Variants in GNA14 observed in about 807,000 individuals in gnomAD.
The protein encoded by GNA14 is guanine nucleotide-binding protein subunit alpha-14.
GNA14 carries 50 observed loss-of-function variants against 42.0 expected under a neutral mutation model. That is an observed-to-expected ratio of 1.19 (90% CI 0.95 to 1.51). The LOEUF (loss-of-function observed/expected upper bound fraction) is 1.51. GNA14 is among the 40% of genes most tolerant of loss of function. The probability of loss-of-function intolerance (pLI) is 0.00; values close to 1 mark genes in which losing one functional copy is unlikely to be tolerated. For synonymous variants in GNA14, 173 were observed against 163.1 expected, an observed-to-expected ratio of 1.06 and a Z score of -0.46; for missense variants, 473 against 446.2, an observed-to-expected ratio of 1.06 and a Z score of -0.54.
At chr9:77,522,000 T>A (rs897165399) in intron 2 of GNA14, among the ~76,000 whole-genome samples, 4 of 152,210 alleles carry the variant, frequency 2.6e-5, no homozygotes, top group South Asian at 2.1e-4. Flanking sequence ...GCCCGGCTAA[T>A]TTTTATATAT....
intron 2 of GNA14, among the ~76,000 whole-genome samples, chr9:77,499,716 G>A (rs890278052): frequency 6.6e-6 from 1 of 152,040 alleles, no homozygotes; most frequent in African/African-American, 2.4e-5. Context: ...CGGGCATGGT[G>A]GCGCGCTCCT....
At chr9:77,642,396 A>T (rs1393184382) in intron 1 of GNA14, among the ~76,000 whole-genome samples, 1 of 152,214 alleles carries the variant, frequency 6.6e-6, no homozygotes, top group Non-Finnish European at 1.5e-5. Context: ...TTTCTGAAGC[A>T]TATTATGGCA....
At chr9:77,581,611 T>C (rs1208312090) in intron 1 of GNA14, among the ~76,000 whole-genome samples, 1 of 152,192 alleles carries the variant, frequency 6.6e-6, no homozygotes, top group African/African-American at 2.4e-5. Context: ...TGCAAAAGAC[T>C]CTGGTTCGGA....
At chr9:77,478,268 A>G (rs896560121) in intron 2 of GNA14, among the ~76,000 whole-genome samples, 11 of 151,722 alleles carry the variant, frequency 7.3e-5, no homozygotes, top group Non-Finnish European at 1.0e-4. Context: ...ATGAGTGAGA[A>G]CATGCGGTGT....
intron 2 of GNA14, among the ~76,000 whole-genome samples, chr9:77,458,904 A>AGCGGGGGGGGG (rs55765810): frequency 1.5e-5 from 2 of 134,482 alleles, no homozygotes; most frequent in Admixed American, 1.5e-4. Context: ...CACAAGCTGG[A>AGCGGGGGGGGG]GGGGGGGGGG....
intron 2 of GNA14, among the ~76,000 whole-genome samples, chr9:77,492,275 TAGAA>T (rs1198209171): frequency 1.3e-5 from 2 of 151,406 alleles, no homozygotes; most frequent in Non-Finnish European, 2.9e-5. Context: ...CCAAAATTAG[TAGAA>T]AGAAAGAAAT....
At chr9:77,529,360 T>C in intron 1 of GNA14, 107 bp from the exon 2 acceptor site, 1 of 872,936 alleles carries the variant, frequency 1.1e-6, no homozygotes, top group Non-Finnish European at 1.9e-6. Flanking sequence ...ATTAATAGGC[T>C]GATGGGTTGG....
intron 1 of GNA14, among the ~76,000 whole-genome samples, chr9:77,538,248 T>A (rs1035500888): frequency 1.3e-5 from 2 of 152,038 alleles, no homozygotes; most frequent in Non-Finnish European, 2.9e-5. Flanking sequence ...TTTTTTAAAA[T>A]TTTTTTATAG....
chr9:77,609,021 A>G (rs574844379), intron 1 of GNA14, among the ~76,000 whole-genome samples: 1 of 152,272 alleles, frequency 6.6e-6, no homozygotes, highest in African/African-American at 2.4e-5. Context: ...ATTCTTTGCA[A>G]TATGGATAGC....
intron 2 of GNA14, among the ~76,000 whole-genome samples, chr9:77,489,552 C>G (rs903319653): frequency 6.6e-6 from 1 of 152,168 alleles, no homozygotes; most frequent in Admixed American, 6.5e-5. Context: ...AGAATGAAGC[C>G]GCGGACCCTC....
chr9:77,630,236 G>C (rs945768171), intron 1 of GNA14, among the ~76,000 whole-genome samples: 4 of 151,774 alleles, frequency 2.6e-5, no homozygotes, highest in African/African-American at 9.7e-5. Flanking sequence ...TCCCACTTCA[G>C]CCTCCCGAGT....
chr9:77,577,701 C>G (rs1052256515), intron 1 of GNA14, among the ~76,000 whole-genome samples: 4 of 152,166 alleles, frequency 2.6e-5, no homozygotes, highest in African/African-American at 9.7e-5. Flanking sequence ...TGTTTACTGA[C>G]CACTTTCAAT....
chr9:77,648,063 G>A lies in GNA14; in HGVS notation c.-270C>T, dbSNP rs1453544622. ...GCCCGCCCCACTCTCGCTCTGGGGA[G>A]GAGGAGGGCGAGTCGAGAAGTTGGG... On this transcript the variant is annotated 5_prime_UTR_variant, in exon 1 of 7. Coordinates refer to ENST00000341700, the MANE Select transcript of GNA14 (RefSeq NM_004297.4). 6 of 492,992 alleles carry A rather than the reference G, an allele frequency of 1.2e-5. No homozygotes were observed. The Admixed American group carries it at 2.0e-4, about 16-fold the overall frequency. The allele number at this position is 492,992 out of a possible 1,614,324, so 30.5% of individuals were successfully genotyped here. A position where few individuals can be genotyped will look rare whatever the true frequency, so the allele number is the denominator to read the frequency against.
At chr9:77,466,794 ATTTG>A (rs530634497) in intron 2 of GNA14, among the ~76,000 whole-genome samples, 221 of 151,900 alleles carry the variant, frequency 1.5e-3, no homozygotes, top group Non-Finnish European at 1.5e-3. Context: ...TTGTTTGGTC[ATTTG>A]TTTGTTCGTT....
At chr9:77,542,496 G>T (rs957321085) in intron 1 of GNA14, among the ~76,000 whole-genome samples, 11 of 152,206 alleles carry the variant, frequency 7.2e-5, no homozygotes, top group Non-Finnish European at 1.0e-4. Flanking sequence ...GTCTAGGTTT[G>T]CCAATTCTAG....
intron 2 of GNA14, among the ~76,000 whole-genome samples, chr9:77,510,257 C>T (rs7026084): frequency 0.51 from 76,835 of 152,066 alleles, 21,914 homozygotes; most frequent in African/African-American, 0.78. Flanking sequence ...TCATTTAACA[C>T]AGGTTTCCAA....
At chr9:77,582,269 A>G (rs977382040) in intron 1 of GNA14, among the ~76,000 whole-genome samples, 1 of 152,320 alleles carries the variant, frequency 6.6e-6, no homozygotes, top group East Asian at 1.9e-4. Flanking sequence ...CTACTCAGTT[A>G]TAAGTTCACA....
At chr9:77,491,871 A>G (rs1488031885) in intron 2 of GNA14, among the ~76,000 whole-genome samples, 1 of 152,236 alleles carries the variant, frequency 6.6e-6, no homozygotes, top group Non-Finnish European at 1.5e-5. Context: ...CATTCTTTTC[A>G]TCAGCAAATG....
chr9:77,534,207 C>T (rs557588521), intron 1 of GNA14, among the ~76,000 whole-genome samples: 1 of 152,314 alleles, frequency 6.6e-6, no homozygotes, highest in East Asian at 1.9e-4. Flanking sequence ...GAAAATAATA[C>T]ACATGAATTA....
Sources: gnomAD v4.1 joint callset for allele counts (sites outside exome capture counted in the v4.1 genomes callset) on GRCh38, gnomAD v4.1.1 for gene constraint, MANE v1.5 for transcripts, NCBI Gene and HGNC (gene_info 2026-07-23, HGNC 2026-07-21) for gene names.